IFT57: variants seen among roughly 807,000 people sequenced by gnomAD.
IFT57 encodes intraflagellar transport protein 57 homolog.
In IFT57, 59 loss-of-function variants were observed where a neutral mutation model predicts 56.8. The ratio of observed to expected loss-of-function variants is 1.04; its 90% CI spans 0.84 to 1.29. The LOEUF is 1.29. Among genes scored for constraint, IFT57 ranks in the 50% most tolerant of loss-of-function variants. The pLI, the probability that IFT57 is intolerant of heterozygous loss-of-function variation, is 0.00. For missense variants in IFT57, 470 were observed against 522.1 expected, an observed-to-expected ratio of 0.90 and a Z score of 0.97; for synonymous variants, 209 against 186.1, an observed-to-expected ratio of 1.12 and a Z score of -1.00.
At chr3:108,187,314 C>T (rs1349370554) in intron 6 of IFT57, among the ~76,000 whole-genome samples, 1 of 152,000 alleles carries the variant, frequency 6.6e-6, no homozygotes, top group Non-Finnish European at 1.5e-5. Context: ...GCAAGTGGTG[C>T]CAGACAATAG....
chr3:108,219,087 C>T (rs1233753746), intron 2 of IFT57, among the ~76,000 whole-genome samples: 3 of 149,482 alleles, frequency 2.0e-5, no homozygotes, highest in Non-Finnish European at 4.4e-5. Context: ...AGTTCCCTTT[C>T]AGAATATGAA....
chr3:108,221,579 T>C (rs941665485), intron 1 of IFT57, among the ~76,000 whole-genome samples: 5 of 152,208 alleles, frequency 3.3e-5, no homozygotes, highest in Non-Finnish European at 7.3e-5. Flanking sequence ...TTAACAAGTT[T>C]ACTAACCGCA....
intron 10 of IFT57, 94 bp downstream of exon 10, chr3:108,163,565 AATTT>A: frequency 1.3e-6 from 1 of 759,882 alleles, no homozygotes; most frequent in Non-Finnish European, 2.2e-6. Context: ...AGCAACAAAT[AATTT>A]GTTTTATATA....
intron 6 of IFT57, among the ~76,000 whole-genome samples, chr3:108,173,207 C>T (rs1357124687): frequency 1.3e-5 from 2 of 151,596 alleles, no homozygotes; most frequent in African/African-American, 4.8e-5. Flanking sequence ...AATCTGGAAA[C>T]CAAGTAAAAC....
intron 10 of IFT57, 110 bp downstream of exon 10, chr3:108,163,553 C>A: frequency 1.4e-6 from 1 of 714,088 alleles, no homozygotes; most frequent in Non-Finnish European, 2.4e-6. Flanking sequence ...TCTCTTCAAA[C>A]AAGCAACAAA....
At chr3:108,167,125 G>T in intron 7 of IFT57, 140 bp from the exon 8 acceptor site, 1 of 659,376 alleles carries the variant, frequency 1.5e-6, no homozygotes, top group Non-Finnish European at 2.5e-6. Context: ...ATTTTCAATA[G>T]CACAAAATAT....
chr3:108,216,588 A>G (rs2080374346), intron 3 of IFT57, among the ~76,000 whole-genome samples: 1 of 152,222 alleles, frequency 6.6e-6, no homozygotes, highest in Non-Finnish European at 1.5e-5. Flanking sequence ...AAAAAACTAA[A>G]AATAGCACTA....
intron 6 of IFT57, among the ~76,000 whole-genome samples, chr3:108,173,295 T>C (rs1342415452): frequency 6.6e-6 from 1 of 151,706 alleles, no homozygotes; most frequent in African/African-American, 2.4e-5. Flanking sequence ...AACTTGAGGA[T>C]AGTGATTACT....
At chr3:108,188,039 T>A (rs2080194281) in intron 6 of IFT57, among the ~76,000 whole-genome samples, 1 of 152,008 alleles carries the variant, frequency 6.6e-6, no homozygotes, top group South Asian at 2.1e-4. Context: ...CTGCACCCAC[T>A]AACTCGTCGT....
At chr3:108,211,115 A>G (rs1358918243) in intron 4 of IFT57, among the ~76,000 whole-genome samples, 1 of 152,230 alleles carries the variant, frequency 6.6e-6, no homozygotes, top group African/African-American at 2.4e-5. Context: ...GAGACACAAC[A>G]ATAAGAAAAA....
intron 5 of IFT57, among the ~76,000 whole-genome samples, chr3:108,194,221 G>A (rs2080231085): frequency 6.6e-6 from 1 of 152,098 alleles, no homozygotes; most frequent in African/African-American, 2.4e-5. Flanking sequence ...ACAATTTGAA[G>A]TAGAAACCAA....
At chr3:108,173,591 CTACTT>C (rs1560104108) in intron 6 of IFT57, among the ~76,000 whole-genome samples, 1 of 151,864 alleles carries the variant, frequency 6.6e-6, no homozygotes, top group East Asian at 1.9e-4. Flanking sequence ...AACACAAACT[CTACTT>C]TATAATAAAA....
intron 6 of IFT57, among the ~76,000 whole-genome samples, chr3:108,178,951 T>G (rs947021408): frequency 2.6e-5 from 4 of 151,584 alleles, no homozygotes; most frequent in African/African-American, 9.7e-5. Flanking sequence ...CTATGAAAAT[T>G]CTTCTATGTG....
At chr3:108,168,615 T>G (rs1352645032) in intron 6 of IFT57, among the ~76,000 whole-genome samples, 1 of 151,930 alleles carries the variant, frequency 6.6e-6, no homozygotes, top group African/African-American at 2.4e-5. Context: ...CTGCATGCAT[T>G]AGGTATTTGT....
intron 5 of IFT57, among the ~76,000 whole-genome samples, chr3:108,196,650 T>C (rs1262208494): frequency 6.6e-6 from 1 of 152,202 alleles, no homozygotes; most frequent in African/African-American, 2.4e-5. Context: ...TGTTCTAAAA[T>C]GATTTAACAT....
rs562543342 is a variant in IFT57 at position 108,210,560 on chromosome 3, T to C, written c.585+3371A>G. On this transcript the variant is annotated intron_variant, in intron 4 of 10. Coordinates refer to ENST00000264538, the MANE Select transcript of IFT57 (RefSeq NM_018010.4). The stretch of plus-strand genomic sequence containing the variant: ...GTTAGCCAGGCTAATCTCAAACTCC[T>C]ACCCTCAAGTGATCTGCCCACCCCA... 9.2e-5 allele frequency among the ~76,000 whole-genome samples: 14 copies of C among 152,170 alleles called. No homozygotes were observed. The South Asian group carries it at 2.5e-3, about 27-fold the overall frequency.
intron 5 of IFT57, among the ~76,000 whole-genome samples, chr3:108,201,689 T>C (rs1046195561): frequency 1.2e-4 from 18 of 152,140 alleles, no homozygotes; most frequent in Non-Finnish European, 2.1e-4. Context: ...AAGCTGTACA[T>C]AGAACAGTTT....
chr3:108,164,232 T>G (rs1452377196), intron 9 of IFT57, among the ~76,000 whole-genome samples: 1 of 152,026 alleles, frequency 6.6e-6, no homozygotes, highest in African/African-American at 2.4e-5. Context: ...AAGAATATTC[T>G]TATTGCTTTA....
intron 6 of IFT57, among the ~76,000 whole-genome samples, chr3:108,170,345 T>A (rs750025821): frequency 4.6e-5 from 7 of 152,044 alleles, no homozygotes; most frequent in Non-Finnish European, 1.0e-4. Context: ...AGCATTCCTA[T>A]ATGCCAATAA....
Sources: gnomAD v4.1 joint callset for allele counts (sites outside exome capture counted in the v4.1 genomes callset) on GRCh38, gnomAD v4.1.1 for gene constraint, MANE v1.5 for transcripts, NCBI Gene and HGNC (gene_info 2026-07-23, HGNC 2026-07-21) for gene names.